SPOCK1: variants seen among roughly 807,000 people sequenced by gnomAD.
The protein encoded by SPOCK1 is SPARC (osteonectin), cwcv and kazal like domains proteoglycan 1, also known as testican-1.
A neutral mutation model predicts 55.3 loss-of-function variants in SPOCK1; 23 were observed. That is an observed-to-expected ratio of 0.42 (90% CI 0.30 to 0.59). SPOCK1 has a LOEUF of 0.59. SPOCK1 is among the 20% of genes least tolerant of loss of function. SPOCK1 has a pLI of 0.22. For synonymous variants in SPOCK1, 226 were observed against 221.0 expected, an observed-to-expected ratio of 1.02 and a Z score of -0.20; for missense variants, 499 against 552.5, an observed-to-expected ratio of 0.90 and a Z score of 0.97.
At chr5:137,360,076 C>G (rs1750909161) in intron 2 of SPOCK1, among the ~76,000 whole-genome samples, 1 of 152,222 alleles carries the variant, frequency 6.6e-6, no homozygotes, top group South Asian at 2.1e-4. Flanking sequence ...CCATTAGTCT[C>G]TTGTTGCAGA....
At chr5:137,122,848 C>A (rs1440923760) in intron 4 of SPOCK1, among the ~76,000 whole-genome samples, 1 of 152,202 alleles carries the variant, frequency 6.6e-6, no homozygotes, top group Non-Finnish European at 1.5e-5. Context: ...TCCTTGAGGG[C>A]AATTAATTAT....
chr5:137,423,411 T>C (rs1752543250), intron 2 of SPOCK1, among the ~76,000 whole-genome samples: 1 of 152,242 alleles, frequency 6.6e-6, no homozygotes, highest in Non-Finnish European at 1.5e-5. Flanking sequence ...GCAGGCCTCC[T>C]TGAGCTGCGG....
At chr5:137,471,473 T>G (rs535147416) in intron 2 of SPOCK1, among the ~76,000 whole-genome samples, 2 of 152,342 alleles carry the variant, frequency 1.3e-5, no homozygotes, top group East Asian at 1.9e-4. Context: ...ACAAGTAACA[T>G]GCTCAGCCCA....
intron 5 of SPOCK1, among the ~76,000 whole-genome samples, chr5:137,070,223 T>A (rs2348185): frequency 6.6e-6 from 1 of 152,190 alleles, no homozygotes; most frequent in Non-Finnish European, 1.5e-5. Flanking sequence ...GCAGAGAACA[T>A]GGAACAGAGC....
intron 3 of SPOCK1, among the ~76,000 whole-genome samples, chr5:137,150,230 T>C (rs977595393): frequency 1.3e-5 from 2 of 152,166 alleles, no homozygotes; most frequent in South Asian, 2.1e-4. Context: ...CCCGAAAACT[T>C]CTGCTGACTA....
intron 3 of SPOCK1, among the ~76,000 whole-genome samples, chr5:137,174,874 T>A (rs535287402): frequency 6.6e-6 from 1 of 152,088 alleles, no homozygotes; most frequent in Non-Finnish European, 1.5e-5. Flanking sequence ...AGCGATGGCA[T>A]AAAGGCACCA....
chr5:137,238,318 C>T (rs1295473272), intron 3 of SPOCK1, among the ~76,000 whole-genome samples: 8 of 152,222 alleles, frequency 5.3e-5, no homozygotes, highest in African/African-American at 1.9e-4. Flanking sequence ...GAAATTTGCA[C>T]TCACATACAC....
chr5:137,019,452 TA>T (rs1170434528), intron 6 of SPOCK1, among the ~76,000 whole-genome samples: 1 of 152,140 alleles, frequency 6.6e-6, no homozygotes, highest in Non-Finnish European at 1.5e-5. Context: ...CATTACCTTT[TA>T]AAACATAATT....
intron 2 of SPOCK1, among the ~76,000 whole-genome samples, chr5:137,268,951 T>C (rs1318357026): frequency 1.5e-5 from 2 of 131,600 alleles, no homozygotes; most frequent in Admixed American, 1.6e-4. Flanking sequence ...ACATTCTCTT[T>C]GATGTCAAAG....
At chr5:137,490,140 A>G (rs1484996419) in intron 2 of SPOCK1, among the ~76,000 whole-genome samples, 1 of 152,226 alleles carries the variant, frequency 6.6e-6, no homozygotes, top group Non-Finnish European at 1.5e-5. Flanking sequence ...GTGACAACAC[A>G]TTACCCTACC....
chr5:137,168,697 A>C (rs1174403492), intron 3 of SPOCK1, among the ~76,000 whole-genome samples: 1 of 152,166 alleles, frequency 6.6e-6, no homozygotes, highest in South Asian at 2.1e-4. Flanking sequence ...TCCATAAGAC[A>C]GGCAATAAAT....
At chr5:137,252,426 C>T (rs1203311734) in intron 3 of SPOCK1, among the ~76,000 whole-genome samples, 1 of 152,200 alleles carries the variant, frequency 6.6e-6, no homozygotes, top group Non-Finnish European at 1.5e-5. Context: ...CACACAGCAG[C>T]CACTGAGAAT....
At chr5:137,320,248 G>T (rs1757957328) in intron 2 of SPOCK1, among the ~76,000 whole-genome samples, 1 of 152,202 alleles carries the variant, frequency 6.6e-6, no homozygotes, top group Admixed American at 6.5e-5. Context: ...ACTGGTTTCT[G>T]TCCTGCCTGA....
intron 2 of SPOCK1, among the ~76,000 whole-genome samples, chr5:137,427,394 T>C (rs568230690): frequency 2.0e-5 from 3 of 152,150 alleles, no homozygotes; most frequent in Non-Finnish European, 4.4e-5. Context: ...CACAGTTTTT[T>C]TCATTTACTC....
intron 2 of SPOCK1, among the ~76,000 whole-genome samples, chr5:137,379,860 T>A (rs1020884448): frequency 5.3e-5 from 8 of 152,198 alleles, no homozygotes; most frequent in African/African-American, 1.9e-4. Context: ...AACTCATCTC[T>A]CAAGTCATTC....
intron 5 of SPOCK1, among the ~76,000 whole-genome samples, chr5:137,103,703 CCTAA>C (rs1303044058): frequency 7.9e-5 from 12 of 152,288 alleles, no homozygotes; most frequent in Non-Finnish European, 1.5e-4. Flanking sequence ...CAACCTATAT[CCTAA>C]CTAACACACA....
rs116164845 is a variant in SPOCK1 at position 137,446,967 on chromosome 5, T to A, written c.186+51406A>T. 7.1e-3 allele frequency among the ~76,000 whole-genome samples: 1,082 copies of A among 152,324 alleles called. 9 individuals carry two copies. The highest frequency in any genetic ancestry group is 0.025 in the African/African-American group (1,025 of 41,562). ...ATGTCTTCAACTTCCATCCATGTTG[T>A]AACATGTGATAGAATGTCCTTGCCT... On this transcript the variant is annotated intron_variant, in intron 2 of 10. Coordinates refer to ENST00000394945, the MANE Select transcript of SPOCK1 (RefSeq NM_004598.4).
intron 2 of SPOCK1, among the ~76,000 whole-genome samples, chr5:137,476,030 A>G (rs536367861): frequency 9.7e-6 from 1 of 103,450 alleles, no homozygotes; most frequent in African/African-American, 4.3e-5. Flanking sequence ...GGGGCAAATT[A>G]TAGGTTTTTT....
chr5:137,463,234 T>C lies in SPOCK1; in HGVS notation c.186+35139A>G, dbSNP rs115579458. 8.5e-3 allele frequency among the ~76,000 whole-genome samples: 1,301 copies of C among 152,314 alleles called. 18 individuals are homozygous for C. Among genetic ancestry groups the C allele is most frequent in the African/African-American group, 0.03 (1,238 of 41,564 alleles). On this transcript the variant is annotated intron_variant, in intron 2 of 10. Transcript: ENST00000394945. ...TAAAGAGATTCTACACTCCCATGTTTGTTGCAGCACTGTTCACAATAGCCT... is the reference window on the plus strand; with the variant it reads ...TAAAGAGATTCTACACTCCCATGTTCGTTGCAGCACTGTTCACAATAGCCT...
Sources: allele counts gnomAD v4.1 joint callset (sites outside exome capture counted in the v4.1 genomes callset), GRCh38; gene constraint gnomAD v4.1.1; transcripts MANE v1.5; gene names NCBI Gene and HGNC (gene_info 2026-07-23, HGNC 2026-07-21).